The following GGACT variants were observed in gnomAD, a reference collection of about 807,000 sequenced individuals.
The protein encoded by GGACT is gamma-glutamylaminecyclotransferase.
For synonymous variants in GGACT, 118 were observed against 115.3 expected (o/e 1.02, Z -0.15); for missense variants, 241 against 233.2 (o/e 1.03, Z -0.22).
chr13:100,553,193 T>C (rs1002733075), intron 2 of GGACT, among the ~76,000 whole-genome samples: 1 of 152,130 alleles, frequency 6.6e-6, no homozygotes, highest in Non-Finnish European at 1.5e-5. Context: ...GGTTTTAAAA[T>C]ATTGTGCAGT....
chr13:100,565,157 G>C (rs2088799980), intron 2 of GGACT, among the ~76,000 whole-genome samples: 1 of 152,190 alleles, frequency 6.6e-6, no homozygotes, highest in African/African-American at 2.4e-5. Context: ...CTTGTTTAGA[G>C]CGGCTTGGTG....
rs2088397831 is a variant in GGACT, at chr13:100,532,022, A to G, written c.*108T>C. ...ACTGAAAGATTGGTTCCTTTCCGGC[A>G]GATTCATTGGAAAGGGCCCTGTTCG... On this transcript the variant is annotated 3_prime_UTR_variant, in exon 3 of 3. Transcript: ENST00000683975. The G allele has an allele frequency of 1.5e-6, 1 of 684,568 alleles. No homozygotes were observed. The highest frequency in any genetic ancestry group is 2.2e-6 in the Non-Finnish European group (1 of 457,746). 42.4% of individuals were successfully genotyped at this position (684,568 alleles called of 1,614,324 possible). A position where few individuals can be genotyped will look rare whatever the true frequency, so the allele number is the denominator to read the frequency against.
chr13:100,570,384 T>C (rs759547449), intron 2 of GGACT, among the ~76,000 whole-genome samples: 10 of 151,900 alleles, frequency 6.6e-5, no homozygotes, highest in Non-Finnish European at 1.0e-4. Flanking sequence ...CTTTTTCACA[T>C]GGTGGCATCA....
At position 100,563,932 on chromosome 13, in the gene GGACT, G is replaced by A. The variant is rs1368593943; in HGVS notation, c.-11+19893C>T. Among the ~76,000 whole-genome samples, 3 of 152,094 alleles carry A rather than the reference G, an allele frequency of 2.0e-5. No individual in the cohort carries two copies. In the South Asian group the frequency reaches 6.2e-4, roughly 32 times the overall value. On this transcript the variant is annotated intron_variant, in intron 2 of 2. Coordinates refer to ENST00000683975, the MANE Select transcript of GGACT (RefSeq NM_001195087.2). Reference sequence around the variant, plus strand: ...AGGCGTGTGCAGGGAACAGAGATTTGGAACCCCTGGGGGCCTGTGGGCTAC... The same window carrying A: ...AGGCGTGTGCAGGGAACAGAGATTTAGAACCCCTGGGGGCCTGTGGGCTAC...
At chr13:100,555,132 T>G (rs193008405) in intron 2 of GGACT, among the ~76,000 whole-genome samples, 5 of 152,308 alleles carry the variant, frequency 3.3e-5, no homozygotes, top group Non-Finnish European at 7.4e-5. Flanking sequence ...TTCCAATAAA[T>G]ACCAAACAAT....
At chr13:100,556,141 G>A (rs1444195990) in intron 2 of GGACT, among the ~76,000 whole-genome samples, 1 of 152,126 alleles carries the variant, frequency 6.6e-6, no homozygotes, top group African/African-American at 2.4e-5. Flanking sequence ...GCTAATAAAG[G>A]AAGAAAAAGA....
At chr13:100,561,365 C>T (rs2088758364) in intron 2 of GGACT, among the ~76,000 whole-genome samples, 1 of 152,136 alleles carries the variant, frequency 6.6e-6, no homozygotes, top group Non-Finnish European at 1.5e-5. Flanking sequence ...TAAAATAATG[C>T]AATTCTGTAT....
At chr13:100,578,121 C>G (rs1209178772) in intron 2 of GGACT, among the ~76,000 whole-genome samples, 1 of 152,166 alleles carries the variant, frequency 6.6e-6, no homozygotes, top group East Asian at 1.9e-4. Context: ...ATACTGGCAT[C>G]TGGGCGTCCA....
At chr13:100,567,523 A>G (rs1317463796) in intron 2 of GGACT, among the ~76,000 whole-genome samples, 1 of 152,136 alleles carries the variant, frequency 6.6e-6, no homozygotes, top group Non-Finnish European at 1.5e-5. Context: ...CTCTCCAAGG[A>G]GCTCTTGTTC....
At chr13:100,566,594 C>T (rs779237476) in intron 2 of GGACT, among the ~76,000 whole-genome samples, 3 of 152,098 alleles carry the variant, frequency 2.0e-5, no homozygotes, top group Admixed American at 1.3e-4. Context: ...CCTGGGGGCC[C>T]GGGCACCAGC....
chr13:100,582,593 C>T lies in GGACT; in HGVS notation c.-11+1232G>A, dbSNP rs181930899. 5.1e-4 allele frequency among the ~76,000 whole-genome samples: 78 copies of T among 152,100 alleles called. 1 individual carries two copies. Among genetic ancestry groups the T allele is most frequent in the African/African-American group, 1.4e-3 (58 of 41,488 alleles). On this transcript the variant is annotated intron_variant, in intron 2 of 2. Transcript: ENST00000683975. ...CCTGGATCAGATCAGACAGATGTGA[C>T]GACAAAAGCAGGGTCAGAGAAGGGT...
intron 2 of GGACT, among the ~76,000 whole-genome samples, chr13:100,574,625 A>G (rs1875196624): frequency 2.0e-5 from 3 of 152,098 alleles, no homozygotes; most frequent in Non-Finnish European, 4.4e-5. Flanking sequence ...AATGGGAGCT[A>G]AACACTGAGC....
intron 2 of GGACT, among the ~76,000 whole-genome samples, chr13:100,562,907 C>G (rs1468233427): frequency 1.3e-5 from 2 of 152,114 alleles, no homozygotes; most frequent in African/African-American, 4.8e-5. Flanking sequence ...AAAAGAGCTC[C>G]CGTTCCCCTG....
intron 2 of GGACT, among the ~76,000 whole-genome samples, chr13:100,535,321 T>TTATC (rs1346490055): frequency 6.6e-6 from 1 of 152,262 alleles, no homozygotes; most frequent in African/African-American, 2.4e-5. Flanking sequence ...TGTTCAGCAT[T>TTATC]TATCTCCATA....
chr13:100,532,654 G>T, intron 2 of GGACT, 53 bp from the exon 3 acceptor site: 1 of 1,401,992 alleles, frequency 7.1e-7, no homozygotes, highest in Non-Finnish European at 9.6e-7. Flanking sequence ...CTCTGTGTCT[G>T]CACCTGGGAC....
intron 2 of GGACT, among the ~76,000 whole-genome samples, chr13:100,569,721 C>A (rs1457412125): frequency 6.6e-6 from 1 of 152,202 alleles, no homozygotes; most frequent in Non-Finnish European, 1.5e-5. Flanking sequence ...ATAAGTTTTT[C>A]TTTTCTATCA....
intron 2 of GGACT, among the ~76,000 whole-genome samples, chr13:100,543,761 C>T (rs1334819297): frequency 6.6e-6 from 1 of 152,236 alleles, no homozygotes; most frequent in African/African-American, 2.4e-5. Flanking sequence ...GCCAGAGGGG[C>T]TCTGCCACTG....
chr13:100,577,911 A>G (rs1044351034), intron 2 of GGACT, among the ~76,000 whole-genome samples: 10 of 152,044 alleles, frequency 6.6e-5, no homozygotes, highest in Non-Finnish European at 1.5e-4. Context: ...CAGGAACCAA[A>G]TTCAAGGCCA....
Position 100,545,593 on chromosome 13 carries a change from T to C in GGACT, c.-10-12992A>G, listed in dbSNP as rs1416163068. ...GCACACCCTGGGCTGCCTGCCTGCC[T>C]GGCATGTGCCATGGAACTGGCACTC... On this transcript the variant is annotated intron_variant, in intron 2 of 2. Coordinates refer to ENST00000683975, the MANE Select transcript of GGACT (RefSeq NM_001195087.2). This position sits in a 1 kb window ranked among gnomAD's most constrained non-coding sequence, Gnocchi z 4.4. Among the ~76,000 whole-genome samples the C allele has an allele frequency of 6.6e-6, 1 of 152,262 alleles. No homozygotes were observed. Among genetic ancestry groups the C allele is most frequent in the Non-Finnish European group, 1.5e-5 (1 of 68,048 alleles).
Sources: gnomAD v4.1 joint callset for allele counts (sites outside exome capture counted in the v4.1 genomes callset) on GRCh38, gnomAD v4.1.1 for gene constraint, Gnocchi (gnomAD v3.1) non-coding constraint, MANE v1.5 for transcripts, NCBI Gene and HGNC (gene_info 2026-07-23, HGNC 2026-07-21) for gene names.